Variants in RGS14 observed in about 807,000 individuals in gnomAD.
RGS14 encodes the protein regulator of G protein signaling 14, also known as regulator of G-protein signaling 14.
In RGS14, 33 loss-of-function variants were observed where a neutral mutation model predicts 63.8. That is an observed-to-expected ratio of 0.52 (90% CI 0.39 to 0.69). RGS14 has a LOEUF of 0.69. Ranked by LOEUF, RGS14 falls within the 30% of genes least tolerant of loss-of-function variation. The pLI, the probability that RGS14 is intolerant of heterozygous loss-of-function variation, is 0.00. For synonymous variants in RGS14, 296 were observed against 320.9 expected (o/e 0.92, Z 0.83); for missense variants, 739 against 742.9 (o/e 0.99, Z 0.06).
intron 8 of RGS14, among the ~76,000 whole-genome samples, chr5:177,368,486 C>T (rs560066131): frequency 6.6e-6 from 1 of 152,266 alleles, no homozygotes; most frequent in Non-Finnish European, 1.5e-5. Context: ...ACATGTGCAG[C>T]ACCCAGGTGT....
intron 5 of RGS14, 117 bp downstream of exon 5, chr5:177,367,151 CAG>C: frequency 7.3e-7 from 1 of 1,371,420 alleles, no homozygotes; most frequent in Admixed American, 2.3e-5. Flanking sequence ...GAGGCGGAGA[CAG>C]AGCCAAATGC....
At chr5:177,361,113 C>A (rs1761955582) in intron 1 of RGS14, among the ~76,000 whole-genome samples, 1 of 152,226 alleles carries the variant, frequency 6.6e-6, no homozygotes, top group Non-Finnish European at 1.5e-5. Flanking sequence ...GGAAGACCTG[C>A]AAGGCAAAGC....
intron 1 of RGS14, among the ~76,000 whole-genome samples, chr5:177,363,381 C>T (rs73336265): frequency 0.056 from 8,529 of 151,642 alleles, 770 homozygotes; most frequent in African/African-American, 0.19. Flanking sequence ...TGCACTAACT[C>T]GCTGCCCTCC....
chr5:177,364,828 G>A lies in RGS14; in HGVS notation c.46-1135G>A, dbSNP rs1762053867. Among the ~76,000 whole-genome samples, 1 of 152,194 alleles carries A rather than the reference G, an allele frequency of 6.6e-6. No homozygotes were observed. The highest frequency in any genetic ancestry group is 2.1e-4 in the South Asian group (1 of 4,830). The stretch of plus-strand genomic sequence containing the variant: ...AACCAGAGTTGTGCACTGGGGGCAA[G>A]GATGGAGTTAGTTACTGCAGCAGTA... On this transcript the variant is annotated intron_variant, in intron 1 of 14. Coordinates refer to ENST00000408923, the MANE Select transcript of RGS14 (RefSeq NM_006480.5). This position sits in a 1 kb window ranked among gnomAD's most constrained non-coding sequence, Gnocchi z 4.6.
At position 177,367,538 on chromosome 5, in the gene RGS14, G is replaced by A; in HGVS notation, c.608G>A (p.Ser203Asn). ...GAACCTGGCTCCTCGCGCCTCGGCA[G>A]CCCTGACGCCACGAGGAAGGTGCGT... ...LREPGSSRLG[S>N]PDATRKKPKL... The change falls in exon 6 of 15, where the codon AGC (serine) becomes AAC (asparagine). Residue 203 changes from serine to asparagine, a missense_variant. Ser to Asn is a conservative substitution (Grantham distance 46). Transcript: ENST00000408923. 1 of 1,610,796 alleles carries A rather than the reference G, an allele frequency of 6.2e-7. No individual in the cohort carries two copies. The highest frequency in any genetic ancestry group is 8.5e-7 in the Non-Finnish European group (1 of 1,178,620).
Position 177,359,785 on chromosome 5 carries a change from G to A in RGS14, c.45+1716G>A, listed in dbSNP as rs1407721064. On this transcript the variant is annotated intron_variant, in intron 1 of 14. Coordinates refer to ENST00000408923, the MANE Select transcript of RGS14 (RefSeq NM_006480.5). This position sits in a 1 kb window ranked among gnomAD's most constrained non-coding sequence, Gnocchi z 4.4. The stretch of plus-strand genomic sequence containing the variant: ...GGCCCTGCACAGCTAGGGCAGGGAG[G>A]GCCAGACAGGCACTGGGATCTGAGG... 6.6e-6 allele frequency among the ~76,000 whole-genome samples: 1 copy of A among 152,236 alleles called. No homozygotes were observed.
intron 7 of RGS14, 139 bp from the exon 8 acceptor site, chr5:177,368,018 C>T (rs964369602): frequency 4.8e-6 from 7 of 1,457,154 alleles, no homozygotes; most frequent in Non-Finnish European, 6.3e-6. Flanking sequence ...AAATCTCCAA[C>T]GGTGGTGTCG....
rs1762053358 is a variant in RGS14, at chr5:177,364,791, G to A, written c.46-1172G>A. Among the ~76,000 whole-genome samples, 1 of 152,182 alleles carries A rather than the reference G, an allele frequency of 6.6e-6. No individual in the cohort carries two copies. The highest frequency in any genetic ancestry group is 1.5e-5 in the Non-Finnish European group (1 of 68,026). On this transcript the variant is annotated intron_variant, in intron 1 of 14. Coordinates refer to ENST00000408923, the MANE Select transcript of RGS14 (RefSeq NM_006480.5). The surrounding 1 kb of genome is among the most constrained non-coding windows in gnomAD (Gnocchi z 4.6). ...GTTTTTCTGTTTCACTAATGATTGGGATTCCCAGAGAAACCAGAGTTGTGC... is the reference window on the plus strand; with the variant it reads ...GTTTTTCTGTTTCACTAATGATTGGAATTCCCAGAGAAACCAGAGTTGTGC...
At chr5:177,369,698 A>G (rs571072002) in intron 9 of RGS14, among the ~76,000 whole-genome samples, 1 of 152,344 alleles carries the variant, frequency 6.6e-6, no homozygotes, top group African/African-American at 2.4e-5. Context: ...CAGAGGGAAC[A>G]GCTTAGGCAA....
At position 177,371,838 on chromosome 5, in the gene RGS14, G is replaced by T. The variant is rs184151853; in HGVS notation, c.1499-35G>T. On this transcript the variant is annotated intron_variant, in intron 14 of 14. Coordinates refer to ENST00000408923, the MANE Select transcript of RGS14 (RefSeq NM_006480.5). This position sits in a 1 kb window ranked among gnomAD's most constrained non-coding sequence, Gnocchi z 6.1. ...CGTGGGCTGGCATATAGGCAGGTCT[G>T]CTGGGGGGACCCTCATGCTGTGGCT... is the stretch of plus-strand genomic sequence containing the variant. 2.3e-4 allele frequency: 362 copies of T among 1,596,476 alleles called. 3 individuals are homozygous for T. In the African/African-American group the frequency reaches 4.3e-3, roughly 19 times the overall value.
At position 177,371,645 on chromosome 5, in the gene RGS14, A is replaced by G; in HGVS notation, c.1498+56A>G. 6.5e-7 allele frequency: 1 copy of G among 1,536,430 alleles called. No individual in the cohort carries two copies. ...GACTAGGGCAGTGGGGTTGGGGACC[A>G]TTCAGGGTGGCATCAGAGAGCCTTG... On this transcript the variant is annotated intron_variant, in intron 14 of 14. Coordinates refer to ENST00000408923, the MANE Select transcript of RGS14 (RefSeq NM_006480.5). This position sits in a 1 kb window ranked among gnomAD's most constrained non-coding sequence, Gnocchi z 6.1.
chr5:177,371,913 C>T lies in RGS14; in HGVS notation c.1539C>T (p.Ala513=), dbSNP rs1390945816. ...ELLNRVQSSG[A]HDQRGLLRKE... ...TGAACCGGGTGCAGAGCAGCGGGGC[C>T]CACGACCAGAGGGGCCTTCTGAGGA... Residue 513 remains alanine, a synonymous_variant, in exon 15 of 15, where the codon GCC becomes GCT. Coordinates refer to ENST00000408923, the MANE Select transcript of RGS14 (RefSeq NM_006480.5). This position sits in a 1 kb window ranked among gnomAD's most constrained non-coding sequence, Gnocchi z 6.1. The T allele has an allele frequency of 6.2e-7, 1 of 1,614,004 alleles. No individual in the cohort carries two copies. The highest frequency in any genetic ancestry group is 8.5e-7 in the Non-Finnish European group (1 of 1,179,990).
chr5:177,367,208 G>C (rs2127332264), intron 5 of RGS14, 174 bp downstream of exon 5: 1 of 1,101,898 alleles, frequency 9.1e-7, no homozygotes, highest in South Asian at 1.6e-5. Flanking sequence ...CAGAGGCACG[G>C]GGAAGGACAG....
At position 177,361,214 on chromosome 5, in the gene RGS14, C is replaced by A. The variant is rs562966686; in HGVS notation, c.45+3145C>A. On this transcript the variant is annotated intron_variant, in intron 1 of 14. Transcript: ENST00000408923. ...CAGGGGCAAGGCCAGGGGTCATCTC[C>A]ACAGGCTGGTTCAAGTTGAAGGGAC... 6.6e-5 allele frequency among the ~76,000 whole-genome samples: 10 copies of A among 152,290 alleles called. No homozygotes were observed. The South Asian group carries it at 1.9e-3, about 28-fold the overall frequency.
chr5:177,367,135 A>C (rs1320465731), intron 5 of RGS14, 101 bp downstream of exon 5: 2 of 1,447,852 alleles, frequency 1.4e-6, no homozygotes, highest in African/African-American at 2.8e-5. Flanking sequence ...GGAGGGGGCA[A>C]ATTTGGAGGC....
chr5:177,370,315 C>G (rs1294025513), intron 9 of RGS14, among the ~76,000 whole-genome samples: 1 of 152,228 alleles, frequency 6.6e-6, no homozygotes, highest in African/African-American at 2.4e-5. Flanking sequence ...TGCCCCTTAT[C>G]ATTTCATGCC....
chr5:177,368,366 G>T (rs1762159630), intron 8 of RGS14, 100 bp downstream of exon 8: 1 of 1,261,220 alleles, frequency 7.9e-7, no homozygotes, highest in Non-Finnish European at 1.1e-6. Context: ...TGTCCTTACT[G>T]CGTCTCCCAG....
rs926845145 is a variant in RGS14 at position 177,367,167 on chromosome 5, G to A, written c.483+133G>A. 5.2e-5 allele frequency: 66 copies of A among 1,268,594 alleles called. No homozygotes were observed. The African/African-American group carries it at 9.5e-4, about 18-fold the overall frequency. The allele number at this position is 1,268,594 out of a possible 1,614,324, so 78.6% of individuals were successfully genotyped here. ...AGGCGGAGACAGAGCCAAATGCCGG[G>A]GCAGGCAGGGCGGAGCTCAGAGGGC... is the stretch of plus-strand genomic sequence containing the variant. On this transcript the variant is annotated intron_variant, in intron 5 of 14. Coordinates refer to ENST00000408923, the MANE Select transcript of RGS14 (RefSeq NM_006480.5).
At chr5:177,370,865 C>T (rs777845045) in intron 10 of RGS14, 40 bp from the exon 11 acceptor site, 6 of 1,532,032 alleles carry the variant, frequency 3.9e-6, no homozygotes, top group Admixed American at 3.9e-5. Flanking sequence ...TGGCGGGGGG[C>T]CGGCCCTCCG....
Sources: allele counts gnomAD v4.1 joint callset (sites outside exome capture counted in the v4.1 genomes callset), GRCh38; gene constraint gnomAD v4.1.1; non-coding constraint Gnocchi (gnomAD v3.1); transcripts MANE v1.5; gene names NCBI Gene and HGNC (gene_info 2026-07-23, HGNC 2026-07-21).